The following SLC50A1 variants were observed in gnomAD, a reference collection of about 807,000 sequenced individuals.
The protein encoded by SLC50A1 is sugar transporter SWEET1.
SLC50A1 carries 22 observed loss-of-function variants against 28.9 expected under a neutral mutation model. That is an observed-to-expected ratio of 0.76 (90% confidence interval 0.54 to 1.09). SLC50A1 has a LOEUF of 1.09. SLC50A1 is among the 50% of genes least tolerant of loss of function. SLC50A1 has a pLI of 0.00. For synonymous variants in SLC50A1, 96 were observed against 110.6 expected (o/e 0.87, Z 0.83); for missense variants, 233 against 273.4 (o/e 0.85, Z 1.04).
chr1:155,137,768 C>G (rs1381529342), intron 4 of SLC50A1, 46 bp downstream of exon 4: 1 of 1,609,000 alleles, frequency 6.2e-7, no homozygotes, highest in South Asian at 1.1e-5. Context: ...GAGTCAGGCT[C>G]TCATAGCCAA....
Position 155,137,733 on chromosome 1 carries a change from G to A in SLC50A1, c.444+11G>A. ...CCACTGGCTGACTTGGTGAGTGGGG[G>A]TGTCCAAGGAGGTAGGAGAGATAAG... On this transcript the variant is annotated intron_variant, in intron 4 of 5. Coordinates refer to ENST00000368404, the MANE Select transcript of SLC50A1 (RefSeq NM_018845.4). 6.2e-7 allele frequency: 1 copy of A among 1,614,000 alleles called. No homozygotes were observed. Among genetic ancestry groups the A allele is most frequent in the Non-Finnish European group, 8.5e-7 (1 of 1,179,944 alleles).
upstream of SLC50A1, chr1:155,135,710 GGAGGA>G (rs1664393321): frequency 1.4e-5 from 22 of 1,549,916 alleles, no homozygotes; most frequent in Non-Finnish European, 1.9e-5. Flanking sequence ...GAAGGCGCTC[GGAGGA>G]GAGGGGCGCG....
rs754519362 is a variant in SLC50A1, at chr1:155,138,309, T to C, written c.*28T>C. On this transcript the variant is annotated 3_prime_UTR_variant, in exon 6 of 6. Transcript: ENST00000368404. ...CTGCTCATCTGACCACTGGGCACCT[T>C]AGTGCCAACCTGAACCAAAGAGACC... 4 of 1,607,406 alleles carry C rather than the reference T, an allele frequency of 2.5e-6. No individual in the cohort carries two copies. The highest frequency in any genetic ancestry group is 3.4e-6 in the Non-Finnish European group (4 of 1,175,678).
upstream of SLC50A1, chr1:155,135,450 A>G (rs1483687756): frequency 1.2e-6 from 1 of 809,634 alleles, no homozygotes; most frequent in East Asian, 2.8e-5. Flanking sequence ...AACCCTGGGC[A>G]ACTGAGGTTC....
In SLC50A1 at chr1:155,137,563, T is replaced by G; in HGVS notation, c.285T>G (p.Arg95=). The change falls in exon 4 of 6, where the codon CGT becomes CGG. Residue 95 remains arginine (R), a splice_region_variant and synonymous_variant. Coordinates refer to ENST00000368404, the MANE Select transcript of SLC50A1 (RefSeq NM_018845.4). ...TAAGGGTACTCTCTCCCCTGCAGCG[T>G]GTTGTGCTCCTACAGACTGCAACCC... ...LAYLHYCPRK[R]VVLLQTATLL... 1 of 1,613,934 alleles carries G rather than the reference T, an allele frequency of 6.2e-7. No homozygotes were observed. The highest frequency in any genetic ancestry group is 1.6e-4 in the Middle Eastern group (1 of 6,062).
At chr1:155,135,837 G>T, upstream of SLC50A1, 3 of 1,599,932 alleles carry the variant, frequency 1.9e-6, no homozygotes, top group African/African-American at 4.0e-5. Flanking sequence ...CAGAGCCGCA[G>T]GTCTGGGCTG....
intron 1 of SLC50A1, 60 bp downstream of exon 1, chr1:155,136,051 G>C: frequency 6.3e-7 from 1 of 1,584,770 alleles, no homozygotes; most frequent in Non-Finnish European, 8.6e-7. Flanking sequence ...GAGAGAGAGG[G>C]GACAGAGACG....
At chr1:155,135,685 G>C (rs1184031776), upstream of SLC50A1, 10 of 1,550,348 alleles carry the variant, frequency 6.5e-6, no homozygotes, top group Admixed American at 1.4e-4. Context: ...GAAGAGGTCT[G>C]GACCAGGGTA....
intron 3 of SLC50A1, 91 bp from the exon 4 acceptor site, chr1:155,137,470 C>T (rs150992883): frequency 1.2e-4 from 186 of 1,526,662 alleles, no homozygotes; most frequent in Non-Finnish European, 1.6e-4. Flanking sequence ...CTTGGCTTCC[C>T]CATTGGAGCA....
chr1:155,136,023 A>T (rs747565775), intron 1 of SLC50A1, 32 bp downstream of exon 1: 1 of 1,611,774 alleles, frequency 6.2e-7, no homozygotes, highest in Non-Finnish European at 8.5e-7. Flanking sequence ...GTTGGGGAGG[A>T]CTAGGCAGTC....
Position 155,138,381 on chromosome 1 carries a change from G to T in SLC50A1, c.*100G>T. On this transcript the variant is annotated 3_prime_UTR_variant, in exon 6 of 6. Coordinates refer to ENST00000368404, the MANE Select transcript of SLC50A1 (RefSeq NM_018845.4). The stretch of plus-strand genomic sequence containing the variant: ...CTGTCCAGCTTCCCAGGTGCAGTGG[G>T]TTGTGGGAACAAGAGATGACTTTGA... 2 of 1,103,208 alleles carry T rather than the reference G, an allele frequency of 1.8e-6. No individual in the cohort carries two copies. The highest frequency in any genetic ancestry group is 2.7e-6 in the Non-Finnish European group (2 of 747,686). 68.3% of individuals were successfully genotyped at this position (1,103,208 alleles called of 1,614,324 possible).
chr1:155,135,400 G>A (rs1474969940), upstream of SLC50A1: 3 of 567,710 alleles, frequency 5.3e-6, no homozygotes, highest in African/African-American at 5.7e-5. Context: ...GTTATTTTGA[G>A]AAAAAGCTTC....
intron 3 of SLC50A1, 94 bp from the exon 4 acceptor site, chr1:155,137,467 T>C (rs1387146889): frequency 3.3e-6 from 5 of 1,510,162 alleles, no homozygotes; most frequent in Non-Finnish European, 4.5e-6. Flanking sequence ...CAGCTTGGCT[T>C]CCCCATTGGA....
chr1:155,136,365 C>G lies in SLC50A1; in HGVS notation c.147C>G (p.Thr49=), dbSNP rs1198074442. 6.2e-7 allele frequency: 1 copy of G among 1,611,992 alleles called. No homozygotes were observed. The highest frequency in any genetic ancestry group is 1.3e-5 in the African/African-American group (1 of 74,796). The part of the protein sequence containing the change: ...VDNVQFLPFL[T]TEVNNLGWLS... ...ACGTCCAGTTCCTGCCCTTTCTCAC[C>G]ACGGAAGTCAAGTGAGGGGCCGACG... Residue 49 remains threonine (T), a synonymous_variant, in exon 2 of 6, where the codon ACC becomes ACG. Coordinates refer to ENST00000368404, the MANE Select transcript of SLC50A1 (RefSeq NM_018845.4).
intron 1 of SLC50A1, 97 bp downstream of exon 1, chr1:155,136,088 A>C (rs1664436845): frequency 1.5e-6 from 2 of 1,376,588 alleles, no homozygotes; most frequent in Non-Finnish European, 2.0e-6. Flanking sequence ...CTCGTCCGGA[A>C]CCGGGATCAA....
chr1:155,137,762 C>G, intron 4 of SLC50A1, 40 bp downstream of exon 4: 2 of 1,610,498 alleles, frequency 1.2e-6, no homozygotes, highest in Non-Finnish European at 1.7e-6. Flanking sequence ...AGATAAGAGT[C>G]AGGCTCTCAT....
At chr1:155,137,766 C>T (rs1321015200) in intron 4 of SLC50A1, 44 bp downstream of exon 4, 1 of 1,608,830 alleles carries the variant, frequency 6.2e-7, no homozygotes, top group Admixed American at 1.7e-5. Flanking sequence ...AAGAGTCAGG[C>T]TCTCATAGCC....
chr1:155,136,234 A>T (rs999073659), intron 1 of SLC50A1, 65 bp from the exon 2 acceptor site: 51 of 1,158,174 alleles, frequency 4.4e-5, no homozygotes, highest in Non-Finnish European at 5.6e-5. Context: ...GGCATTGGGC[A>T]TCCCCCTCTA....
In SLC50A1 at chr1:155,136,031, G is replaced by T. The variant is rs1238749110; in HGVS notation, c.80+40G>T. The T allele has an allele frequency of 1.9e-6, 3 of 1,608,834 alleles. No individual in the cohort carries two copies. In the East Asian group the frequency reaches 6.7e-5, roughly 36 times the overall value. ...GGGCTGGGTTGGGGAGGACTAGGCA[G>T]TCAGGAAAGGAGAGAGAGGGGACAG... On this transcript the variant is annotated intron_variant, in intron 1 of 5. Transcript: ENST00000368404.
Sources: allele counts gnomAD v4.1 joint callset, GRCh38; gene constraint gnomAD v4.1.1; transcripts MANE v1.5; gene names NCBI Gene and HGNC (gene_info 2026-07-23, HGNC 2026-07-21).